Variants in GULP1 observed in about 807,000 individuals in gnomAD.
GULP1 encodes the protein GULP PTB domain containing engulfment adaptor 1.
GULP1 carries 19 observed loss-of-function variants against 40.9 expected under a neutral mutation model. That is an observed-to-expected ratio of 0.46 (90% CI 0.32 to 0.68). The LOEUF (loss-of-function observed/expected upper bound fraction) is 0.68, where lower values mean the gene tolerates loss of function less well. Among genes scored for constraint, GULP1 ranks in the 30% least tolerant of loss-of-function variants. GULP1 has a pLI of 0.03. For missense variants in GULP1, 312 were observed against 362.2 expected (o/e 0.86, Z 1.12); for synonymous variants, 119 against 117.6 (o/e 1.01, Z -0.08).
intron 4 of GULP1, among the ~76,000 whole-genome samples, chr2:188,496,698 T>C (rs949472038): frequency 6.6e-6 from 1 of 151,960 alleles, no homozygotes; most frequent in Non-Finnish European, 1.5e-5. Context: ...TTATAATTGA[T>C]ATGGTTTGGA....
intron 7 of GULP1, among the ~76,000 whole-genome samples, chr2:188,543,734 A>G (rs1263974958): frequency 6.6e-6 from 1 of 152,150 alleles, no homozygotes; most frequent in Non-Finnish European, 1.5e-5. Flanking sequence ...AATCAGGACT[A>G]AAATCTAAGA....
chr2:188,471,517 C>G (rs2060591589), intron 2 of GULP1, among the ~76,000 whole-genome samples: 1 of 151,990 alleles, frequency 6.6e-6, no homozygotes, highest in South Asian at 2.1e-4. Flanking sequence ...TTTTGCCTTT[C>G]ATTTTTTGTG....
intron 1 of GULP1, among the ~76,000 whole-genome samples, chr2:188,323,979 A>G (rs188518059): frequency 6.6e-6 from 1 of 152,136 alleles, no homozygotes; most frequent in African/African-American, 2.4e-5. Context: ...TATTAATTTA[A>G]ATAATTGTGT....
chr2:188,541,462 A>C (rs2153323785), intron 7 of GULP1, 144 bp downstream of exon 7: 1 of 753,088 alleles, frequency 1.3e-6, no homozygotes, highest in East Asian at 2.6e-5. Context: ...TAGCTGTACT[A>C]ATAGATTTAT....
At chr2:188,507,829 A>G (rs565416118) in intron 4 of GULP1, among the ~76,000 whole-genome samples, 1 of 152,118 alleles carries the variant, frequency 6.6e-6, no homozygotes, top group Non-Finnish European at 1.5e-5. Flanking sequence ...GCACAGAGTC[A>G]AGGCTCATTT....
At chr2:188,566,820 AG>A (rs1189669116) in intron 7 of GULP1, among the ~76,000 whole-genome samples, 4 of 146,126 alleles carry the variant, frequency 2.7e-5, no homozygotes, top group Admixed American at 6.9e-5. Flanking sequence ...AAAAAAAAAA[AG>A]GGGAAGGATA....
intron 6 of GULP1, 135 bp downstream of exon 6, chr2:188,529,330 GT>G (rs1489729901): frequency 2.0e-6 from 1 of 499,360 alleles, no homozygotes; most frequent in Non-Finnish European, 3.6e-6. Context: ...AACTCTAGGA[GT>G]TTTAGAAGTG....
intron 7 of GULP1, 142 bp downstream of exon 7, chr2:188,541,460 C>T (rs1215909304): frequency 2.6e-6 from 2 of 755,910 alleles, no homozygotes; most frequent in African/African-American, 3.5e-5. Context: ...CTTAGCTGTA[C>T]TAATAGATTT....
intron 7 of GULP1, among the ~76,000 whole-genome samples, chr2:188,544,413 G>C (rs946400465): frequency 6.6e-6 from 1 of 151,848 alleles, no homozygotes; most frequent in Non-Finnish European, 1.5e-5. Context: ...AGAAGATATA[G>C]CATTAGGAGA....
chr2:188,499,133 G>GTATATA (rs778858143), intron 4 of GULP1, among the ~76,000 whole-genome samples: 2,760 of 120,310 alleles, frequency 0.023, 47 homozygotes, highest in African/African-American at 0.032. Flanking sequence ...ATATATGTGT[G>GTATATA]TGTATATATA....
chr2:188,304,175 G>A (rs2036636936), intron 1 of GULP1, among the ~76,000 whole-genome samples: 2 of 152,118 alleles, frequency 1.3e-5, no homozygotes, highest in Admixed American at 1.3e-4. Context: ...GGGAAAGGAT[G>A]TATATCTAGA....
intron 7 of GULP1, among the ~76,000 whole-genome samples, chr2:188,550,619 A>T (rs1693206476): frequency 6.6e-6 from 1 of 151,582 alleles, no homozygotes; most frequent in Non-Finnish European, 1.5e-5. Flanking sequence ...AATTCTCCGT[A>T]AAAAGGGTTC....
intron 5 of GULP1, among the ~76,000 whole-genome samples, chr2:188,525,437 A>G (rs1206423170): frequency 6.6e-6 from 1 of 152,148 alleles, no homozygotes; most frequent in Non-Finnish European, 1.5e-5. Flanking sequence ...CAAATTTTCT[A>G]AAATGTAGTA....
chr2:188,404,256 C>A (rs2052731396), intron 2 of GULP1, among the ~76,000 whole-genome samples: 1 of 152,048 alleles, frequency 6.6e-6, no homozygotes, highest in Admixed American at 6.6e-5. Context: ...GTGCTTGCTC[C>A]CCCACTGAAA....
chr2:188,462,498 T>C (rs2059790007), intron 2 of GULP1, among the ~76,000 whole-genome samples: 1 of 152,186 alleles, frequency 6.6e-6, no homozygotes, highest in South Asian at 2.1e-4. Context: ...GGAAGATATT[T>C]CCAGTGCTTA....
At chr2:188,362,445 ATAT>A (rs1044285527) in intron 1 of GULP1, among the ~76,000 whole-genome samples, 2 of 152,090 alleles carry the variant, frequency 1.3e-5, no homozygotes, top group Non-Finnish European at 2.9e-5. Flanking sequence ...TCTGCACGTG[ATAT>A]TATTGATGAT....
intron 4 of GULP1, among the ~76,000 whole-genome samples, chr2:188,521,033 T>C (rs6434288): frequency 1 from 151,667 of 152,142 alleles, 75,600 homozygotes; most frequent in East Asian, 1. Context: ...CTTATGGAAT[T>C]TTTGATGTAG....
intron 2 of GULP1, among the ~76,000 whole-genome samples, chr2:188,431,378 A>T (rs527886992): frequency 6.6e-6 from 1 of 152,290 alleles, no homozygotes; most frequent in South Asian, 2.1e-4. Flanking sequence ...TGAAGAAGAG[A>T]GTTAGCATCT....
intron 4 of GULP1, among the ~76,000 whole-genome samples, chr2:188,493,484 C>T (rs980150003): frequency 1.3e-5 from 2 of 151,984 alleles, no homozygotes; most frequent in African/African-American, 4.8e-5. Context: ...TTCTACTCCC[C>T]TTGGGAAGTC....
Sources: gnomAD v4.1 joint callset for allele counts (sites outside exome capture counted in the v4.1 genomes callset) on GRCh38, gnomAD v4.1.1 for gene constraint, MANE v1.5 for transcripts, NCBI Gene and HGNC (gene_info 2026-07-23, HGNC 2026-07-21) for gene names.